Variants in NUP210L observed in about 807,000 individuals in gnomAD.
The protein encoded by NUP210L is nuclear pore membrane glycoprotein 210-like.
A neutral mutation model predicts 208.5 loss-of-function variants in NUP210L; 74 were observed. The observed-to-expected ratio is 0.35, with a 90% confidence interval of 0.29 to 0.43. NUP210L has a LOEUF of 0.43. Ranked by LOEUF, NUP210L falls within the 20% of genes least tolerant of loss-of-function variation. The probability of loss-of-function intolerance (pLI) is 1.00; values close to 1 mark genes in which losing one functional copy is unlikely to be tolerated. For synonymous variants in NUP210L, 780 were observed against 816.9 expected (o/e 0.95, Z 0.77); for missense variants, 1,843 against 2,289.4 (o/e 0.81, Z 3.98).
chr1:154,125,648 A>C (rs532527327), intron 10 of NUP210L, among the ~76,000 whole-genome samples: 1 of 1,202 alleles, frequency 8.3e-4, no homozygotes, highest in African/African-American at 1.7e-3. Flanking sequence ...GAAGGAAGGA[A>C]GGAAGGAAGG....
chr1:153,993,199 T>C (rs2147871618), intron 38 of NUP210L, 110 bp from the exon 39 acceptor site: 1 of 670,734 alleles, frequency 1.5e-6, no homozygotes, highest in Non-Finnish European at 2.5e-6. Context: ...AAATAAGTAA[T>C]AGTAATGGCA....
At chr1:154,077,110 C>T (rs970810129) in intron 16 of NUP210L, among the ~76,000 whole-genome samples, 3 of 152,056 alleles carry the variant, frequency 2.0e-5, no homozygotes, top group Admixed American at 6.6e-5. Context: ...TGCAGTGGCT[C>T]GCGCTTGTAA....
intron 35 of NUP210L, among the ~76,000 whole-genome samples, chr1:154,009,203 G>A (rs922954339): frequency 6.6e-6 from 1 of 152,116 alleles, no homozygotes; most frequent in East Asian, 1.9e-4. Context: ...GAGCCACTGC[G>A]CCTGGCCCTA....
chr1:154,054,178 A>G (rs779595270), intron 25 of NUP210L, 50 bp downstream of exon 25: 7 of 1,592,050 alleles, frequency 4.4e-6, no homozygotes, highest in Non-Finnish European at 6.0e-6. Context: ...CTCCCACAGT[A>G]TGGTTCCTCA....
intron 7 of NUP210L, 39 bp from the exon 8 acceptor site, chr1:154,129,384 G>C (rs755593147): frequency 2.9e-5 from 37 of 1,278,898 alleles, no homozygotes; most frequent in Non-Finnish European, 3.5e-5. Context: ...AGCCAGAGTT[G>C]GGTGAAAAGG....
At chr1:154,146,355 C>T (rs1042186703) in intron 2 of NUP210L, among the ~76,000 whole-genome samples, 4 of 152,130 alleles carry the variant, frequency 2.6e-5, no homozygotes, top group African/African-American at 9.7e-5. Context: ...AGATGTAAGA[C>T]ATCTTTCTTT....
rs940993222 is a variant in NUP210L at position 154,053,317 on chromosome 1, T to G, written c.3483+911A>C. ...GTGCTTTTAATCTGTGTTGTTTGCC[T>G]TTATATAGTCTGCAGATGCAGATCC... On this transcript the variant is annotated intron_variant, in intron 25 of 39. Coordinates refer to ENST00000368559, the Ensembl canonical transcript of NUP210L. Among the ~76,000 whole-genome samples, 3 of 152,226 alleles carry G rather than the reference T, an allele frequency of 2.0e-5. No individual in the cohort carries two copies. The East Asian group carries it at 5.8e-4, about 29-fold the overall frequency.
chr1:154,148,161 G>A (rs1260375910), intron 2 of NUP210L, among the ~76,000 whole-genome samples: 1 of 151,634 alleles, frequency 6.6e-6, no homozygotes, highest in Non-Finnish European at 1.5e-5. Flanking sequence ...CAGCTACTCA[G>A]GAGGCTGAGG....
intron 10 of NUP210L, among the ~76,000 whole-genome samples, chr1:154,120,895 CAAAAAAAA>C (rs34261242): frequency 1.2e-5 from 1 of 82,214 alleles, no homozygotes; most frequent in Non-Finnish European, 2.4e-5. Context: ...GACTCTGTCT[CAAAAAAAA>C]AAAAAAAAAA....
intron 7 of NUP210L, among the ~76,000 whole-genome samples, chr1:154,135,571 G>A (rs1225188083): frequency 6.6e-6 from 1 of 151,870 alleles, no homozygotes; most frequent in African/African-American, 2.4e-5. Context: ...ACAGGCGCCC[G>A]CCACCACGCC....
chr1:154,012,439 C>G, intron 33 of NUP210L, 69 bp from the exon 34 acceptor site: 1 of 1,475,324 alleles, frequency 6.8e-7, no homozygotes, highest in Non-Finnish European at 9.2e-7. Flanking sequence ...AGATCCACCC[C>G]TCATAACTTA....
intron 33 of NUP210L, among the ~76,000 whole-genome samples, chr1:154,017,795 C>T (rs1557916949): frequency 2.6e-5 from 4 of 151,942 alleles, no homozygotes; most frequent in African/African-American, 4.8e-5. Flanking sequence ...GGATTAGAGG[C>T]GTGAGCCACG....
intron 27 of NUP210L, among the ~76,000 whole-genome samples, chr1:154,032,950 GAAGAAAAGAAAAGAAAAGAA>G (rs146703266): frequency 1.7e-3 from 210 of 124,468 alleles, no homozygotes; most frequent in South Asian, 4.2e-3. Context: ...AAGAAAGAAA[GAAGAAAAGAAAAGAAAAGAA>G]AAGAAAAGAA....
chr1:154,106,800 T>C (rs1656784797), intron 12 of NUP210L, among the ~76,000 whole-genome samples: 1 of 152,370 alleles, frequency 6.6e-6, no homozygotes, highest in Admixed American at 6.5e-5. Flanking sequence ...ACAGCTTTAC[T>C]GGGCTTGGGG....
intron 27 of NUP210L, among the ~76,000 whole-genome samples, chr1:154,035,588 G>A (rs1371644078): frequency 3.3e-5 from 5 of 151,304 alleles, no homozygotes; most frequent in South Asian, 2.1e-4. Flanking sequence ...TAGTGGAGAC[G>A]GGGTTTCACC....
At chr1:154,094,956 T>A in exon 15 of NUP210L, 1 of 1,614,014 alleles carries the variant, frequency 6.2e-7, no homozygotes, top group South Asian at 1.1e-5. Context: ...AATCCAGGCA[T>A]TGGATCCGGT....
At chr1:154,012,437 C>CCCTCATA (rs2147910638) in intron 33 of NUP210L, 67 bp from the exon 34 acceptor site, 1 of 1,484,078 alleles carries the variant, frequency 6.7e-7, no homozygotes, top group Non-Finnish European at 9.2e-7. Flanking sequence ...CCAGATCCAC[C>CCCTCATA]CCTCATAACT....
Position 154,056,959 on chromosome 1 carries a change from C to T in NUP210L, c.3108-12G>A, listed in dbSNP as rs1653902401. On this transcript the variant is annotated splice_polypyrimidine_tract_variant and intron_variant, in intron 22 of 39. Coordinates refer to ENST00000368559, the Ensembl canonical transcript of NUP210L. The stretch of plus-strand genomic sequence containing the variant: ...GTTGCTCCATTGGTCTGCAAAAACC[C>T]ATGTATTTTCAGGTGAGAAAGATTT... 2 of 1,605,062 alleles carry T rather than the reference C, an allele frequency of 1.2e-6. No individual in the cohort carries two copies. Among genetic ancestry groups the T allele is most frequent in the Admixed American group, 3.5e-5 (2 of 57,456 alleles).
chr1:154,087,320 C>CAAA (rs1185085313), intron 16 of NUP210L, among the ~76,000 whole-genome samples: 43 of 59,702 alleles, frequency 7.2e-4, no homozygotes, highest in African/African-American at 2.2e-3. Flanking sequence ...AGCTCCATCT[C>CAAA]AAAAAAAAAA....
Sources: allele counts gnomAD v4.1 joint callset (sites outside exome capture counted in the v4.1 genomes callset), GRCh38; gene constraint gnomAD v4.1.1; transcripts MANE v1.5; gene names NCBI Gene and HGNC (gene_info 2026-07-23, HGNC 2026-07-21).